LMTK2: variants seen among roughly 807,000 people sequenced by gnomAD.
LMTK2 encodes the protein lemur tail kinase 2.
A neutral mutation model predicts 127.5 loss-of-function variants in LMTK2; 37 were observed. The ratio of observed to expected loss-of-function variants is 0.29; its 90% confidence interval spans 0.22 to 0.38. The LOEUF (loss-of-function observed/expected upper bound fraction) is 0.38. Among genes scored for constraint, LMTK2 ranks in the 10% least tolerant of loss-of-function variants. The probability of loss-of-function intolerance (pLI) is 1.00; values close to 1 mark genes in which losing one functional copy is unlikely to be tolerated. For missense variants in LMTK2, 1,694 were observed against 1,920.3 expected, an observed-to-expected ratio of 0.88 and a Z score of 2.20; for synonymous variants, 819 against 810.1, an observed-to-expected ratio of 1.01 and a Z score of -0.19.
At chr7:98,177,165 A>G (rs1464860401) in intron 7 of LMTK2, among the ~76,000 whole-genome samples, 2 of 152,254 alleles carry the variant, frequency 1.3e-5, no homozygotes, top group Admixed American at 6.5e-5. Context: ...CTTTTAAAAA[A>G]TTAGAATTCA....
chr7:98,146,386 TTTTTA>T (rs58095775), intron 3 of LMTK2, among the ~76,000 whole-genome samples: 4 of 151,782 alleles, frequency 2.6e-5, no homozygotes, highest in East Asian at 2.0e-4. Flanking sequence ...TCTGATAGTT[TTTTTA>T]TTTTATTTTA....
chr7:98,155,908 G>A (rs1474885659), intron 5 of LMTK2, among the ~76,000 whole-genome samples: 2 of 152,078 alleles, frequency 1.3e-5, no homozygotes, highest in East Asian at 3.9e-4. Flanking sequence ...CGTTGTGATA[G>A]ACCTTGGTAA....
intron 7 of LMTK2, among the ~76,000 whole-genome samples, chr7:98,175,433 A>G (rs1348590974): frequency 6.6e-6 from 1 of 152,234 alleles, no homozygotes; most frequent in African/African-American, 2.4e-5. Flanking sequence ...GCTTGAAACC[A>G]AATTACAGAG....
chr7:98,170,679 A>G (rs1797169854), intron 6 of LMTK2, among the ~76,000 whole-genome samples: 1 of 152,204 alleles, frequency 6.6e-6, no homozygotes, highest in South Asian at 2.1e-4. Context: ...AAATCATATC[A>G]ATAAATATTT....
chr7:98,154,893 A>T lies in LMTK2; in HGVS notation c.569+17A>T, dbSNP rs753384454. ...ACCTTACTAGTAAGTAAACCTTGTC[A>T]TGTGTTCTGTAAGACTAGTCTGTGG... is the stretch of plus-strand genomic sequence containing the variant. On this transcript the variant is annotated intron_variant, in intron 5 of 13. Transcript: ENST00000297293. 7.8e-6 allele frequency: 11 copies of T among 1,415,260 alleles called. No individual in the cohort carries two copies. Among genetic ancestry groups the T allele is most frequent in the Non-Finnish European group, 1.1e-5 (11 of 998,702 alleles). 87.7% of individuals were successfully genotyped at this position (1,415,260 alleles called of 1,614,324 possible).
intron 1 of LMTK2, among the ~76,000 whole-genome samples, chr7:98,120,802 C>T (rs1357899513): frequency 6.6e-6 from 1 of 152,266 alleles, no homozygotes; most frequent in East Asian, 1.9e-4. Flanking sequence ...TAAAATGCAA[C>T]ACCCTGACAC....
At position 98,191,822 on chromosome 7, in the gene LMTK2, G is replaced by A; in HGVS notation, c.1357G>A (p.Asp453Asn). Residue 453 changes from aspartate to asparagine, a missense_variant, in exon 11 of 14, where the codon GAC becomes AAC. This residue lies in a region of LMTK2 where 216 missense variants were observed against 266.8 expected (regional missense o/e 0.81). Transcript: ENST00000297293. The part of the protein sequence containing the change: ...AFPILDHFAR[D>N]RLGREMEEVL... Reference sequence around the variant, plus strand: ...CCCAATTCTCGACCACTTTGCCAGGGACCGGCTGGGTCGTGAAATGGAGGA... The same window carrying A: ...CCCAATTCTCGACCACTTTGCCAGGAACCGGCTGGGTCGTGAAATGGAGGA... 2 of 1,614,148 alleles carry A rather than the reference G, an allele frequency of 1.2e-6. No homozygotes were observed. Among genetic ancestry groups the A allele is most frequent in the South Asian group, 1.1e-5 (1 of 91,084 alleles).
intron 7 of LMTK2, among the ~76,000 whole-genome samples, chr7:98,183,769 G>C (rs568309817): frequency 6.6e-6 from 1 of 152,144 alleles, no homozygotes; most frequent in African/African-American, 2.4e-5. Context: ...TCCTAGCCTC[G>C]AGTGATCCGC....
rs1797600083 is a variant in LMTK2 at position 98,194,707 on chromosome 7, TG to T, written c.4107+139del. 1 of 783,276 alleles carries T rather than the reference TG, an allele frequency of 1.3e-6. No homozygotes were observed. The highest frequency in any genetic ancestry group is 2.0e-6 in the Non-Finnish European group (1 of 504,150). 48.5% of individuals were successfully genotyped at this position (783,276 alleles called of 1,614,324 possible). A position where few individuals can be genotyped will look rare whatever the true frequency, so the allele number is the denominator to read the frequency against. Reference sequence around the variant, plus strand: ...TTGTGATTACTCACAAAAAGTAATTTGGGGTTGGTTAGAGTTCTAAGAATAT... The same window carrying T: ...TTGTGATTACTCACAAAAAGTAATTTGGGTTGGTTAGAGTTCTAAGAATAT... On this transcript the variant is annotated intron_variant, in intron 11 of 13. Transcript: ENST00000297293. The surrounding 1 kb of genome is among the most constrained non-coding windows in gnomAD (Gnocchi z 5.4).
intron 11 of LMTK2, among the ~76,000 whole-genome samples, chr7:98,202,362 C>T (rs531852591): frequency 6.6e-6 from 1 of 152,284 alleles, no homozygotes; most frequent in East Asian, 1.9e-4. Flanking sequence ...GTTGTAGGAG[C>T]ATTTTTATAA....
chr7:98,108,001 C>T (rs1036740491), intron 1 of LMTK2, among the ~76,000 whole-genome samples: 23 of 151,308 alleles, frequency 1.5e-4, no homozygotes, highest in African/African-American at 5.6e-4. Context: ...AAAACTTCAA[C>T]CCAAGAAAAC....
At chr7:98,156,460 G>A (rs539241529) in intron 5 of LMTK2, among the ~76,000 whole-genome samples, 2 of 150,302 alleles carry the variant, frequency 1.3e-5, no homozygotes, top group Non-Finnish European at 3.0e-5. Context: ...ACAAGACTCC[G>A]TCTCCAAAAA....
Position 98,206,469 on chromosome 7 carries a change from G to C in LMTK2, c.*977G>C, listed in dbSNP as rs1294357380. On this transcript the variant is annotated 3_prime_UTR_variant, in exon 14 of 14. Coordinates refer to ENST00000297293, the MANE Select transcript of LMTK2 (RefSeq NM_014916.4). ...ATGGACCCGGCCCATCCCTGGGGAC[G>C]TGCTGGCGTGGCAGGTCCAGAGAGC... 1 of 152,240 alleles carries C rather than the reference G, an allele frequency of 6.6e-6. No homozygotes were observed. Among genetic ancestry groups the C allele is most frequent in the Non-Finnish European group, 1.5e-5 (1 of 68,064 alleles). 9.4% of individuals were successfully genotyped at this position (152,240 alleles called of 1,614,324 possible). A position where few individuals can be genotyped will look rare whatever the true frequency, so the allele number is the denominator to read the frequency against.
chr7:98,170,834 A>G (rs1476347316), intron 6 of LMTK2, among the ~76,000 whole-genome samples: 1 of 152,172 alleles, frequency 6.6e-6, no homozygotes, highest in African/African-American at 2.4e-5. Flanking sequence ...GTCTTGGAGG[A>G]GGCCTGGGGA....
intron 1 of LMTK2, among the ~76,000 whole-genome samples, chr7:98,134,382 T>G (rs1026753311): frequency 6.6e-6 from 1 of 152,256 alleles, no homozygotes; most frequent in African/African-American, 2.4e-5. Context: ...TTATTTTTTC[T>G]TTTTATTCTC....
At chr7:98,185,681 G>A (rs569825129) in intron 8 of LMTK2, among the ~76,000 whole-genome samples, 1 of 152,064 alleles carries the variant, frequency 6.6e-6, no homozygotes, top group Non-Finnish European at 1.5e-5. Flanking sequence ...CCAGCTCCGG[G>A]CTGTCAGGAG....
intron 10 of LMTK2, 56 bp from the exon 11 acceptor site, chr7:98,191,556 CAA>C (rs377130793): frequency 5.7e-3 from 6,992 of 1,221,400 alleles, no homozygotes; most frequent in South Asian, 0.013. Context: ...CGTCTCGAAC[CAA>C]AAAAAAAAAA....
chr7:98,198,147 T>C (rs978356827), intron 11 of LMTK2, among the ~76,000 whole-genome samples: 1 of 152,172 alleles, frequency 6.6e-6, no homozygotes, highest in Admixed American at 6.5e-5. Context: ...TTTGAATTTA[T>C]TTTGCTTTTT....
At chr7:98,132,376 G>A (rs1385236575) in intron 1 of LMTK2, among the ~76,000 whole-genome samples, 1 of 151,972 alleles carries the variant, frequency 6.6e-6, no homozygotes. Flanking sequence ...TCAGCCTCCC[G>A]AGTAGCTGGG....
Sources: allele counts gnomAD v4.1 joint callset (sites outside exome capture counted in the v4.1 genomes callset), GRCh38; gene constraint gnomAD v4.1.1; regional missense constraint gnomAD v4.1.1; non-coding constraint Gnocchi (gnomAD v3.1); transcripts MANE v1.5; gene names NCBI Gene and HGNC (gene_info 2026-07-23, HGNC 2026-07-21).